The following GNAO1 variants were observed in gnomAD, a reference collection of about 807,000 sequenced individuals.
The protein encoded by GNAO1 is G protein subunit alpha o1, also known as guanine nucleotide-binding protein G(o) subunit alpha.
For missense variants in GNAO1, 166 were observed against 478.7 expected (o/e 0.35, Z 6.10); for synonymous variants, 164 against 180.7 (o/e 0.91, Z 0.74).
intron 6 of GNAO1, chr16:56,340,522 C>T (rs528946302): frequency 5.5e-6 from 2 of 362,352 alleles, no homozygotes; most frequent in South Asian, 8.4e-5. Flanking sequence ...TGCATGTCCT[C>T]TCCGTGAGCT....
intron 3 of GNAO1, among the ~76,000 whole-genome samples, chr16:56,297,571 G>GTGTGTGTA (rs1491461466): frequency 7.5e-6 from 1 of 133,654 alleles, no homozygotes; most frequent in African/African-American, 2.8e-5. Flanking sequence ...GTGTGTGTGT[G>GTGTGTGTA]TATGCATGTG....
chr16:56,222,910 C>T (rs1027105207), intron 2 of GNAO1, among the ~76,000 whole-genome samples: 1 of 152,064 alleles, frequency 6.6e-6, no homozygotes, highest in African/African-American at 2.4e-5. Context: ...CACCTGTGCA[C>T]CCTGCGAGAT....
At chr16:56,197,606 T>A (rs2036245148) in intron 2 of GNAO1, among the ~76,000 whole-genome samples, 1 of 152,170 alleles carries the variant, frequency 6.6e-6, no homozygotes, top group South Asian at 2.1e-4. Context: ...TTGTTGCCAG[T>A]TAGATTAAAT....
chr16:56,244,131 G>A lies in GNAO1; in HGVS notation c.162-31800G>A, dbSNP rs374013492. Among the ~76,000 whole-genome samples, 6 of 152,302 alleles carry A rather than the reference G, an allele frequency of 3.9e-5. No individual in the cohort carries two copies. In the South Asian group the frequency reaches 1.0e-3, roughly 26 times the overall value. ...ATGCTATACTACAGGCAAAGCAAAG[G>A]GTTCCTGCCCATGGGGAGCTGTAAT... On this transcript the variant is annotated intron_variant, in intron 2 of 8. Transcript: ENST00000262493.
chr16:56,288,403 A>T (rs1247178223), intron 3 of GNAO1, among the ~76,000 whole-genome samples: 1 of 152,210 alleles, frequency 6.6e-6, no homozygotes, highest in Non-Finnish European at 1.5e-5. Flanking sequence ...CCACCAGGAT[A>T]GGAGGGTAAA....
intron 4 of GNAO1, 46 bp from the exon 5 acceptor site, chr16:56,334,683 T>A (rs568575700): frequency 6.2e-7 from 1 of 1,608,580 alleles, no homozygotes; most frequent in Non-Finnish European, 8.5e-7. Context: ...TCCCGAACAG[T>A]GTCCAGGCAT....
At chr16:56,263,229 G>A (rs2036920225) in intron 2 of GNAO1, among the ~76,000 whole-genome samples, 1 of 152,176 alleles carries the variant, frequency 6.6e-6, no homozygotes, top group Non-Finnish European at 1.5e-5. Flanking sequence ...TGTCCATCTG[G>A]GGCCACTGTT....
chr16:56,345,153 G>GT, intron 6 of GNAO1: 2 of 985,804 alleles, frequency 2.0e-6, no homozygotes, highest in Non-Finnish European at 2.4e-6. Context: ...GCTTCTCCCG[G>GT]TGACGGTGAC....
rs1304634429 is a variant in GNAO1 at position 56,227,699 on chromosome 16, A to G, written c.161+35083A>G. Reference sequence around the variant, plus strand: ...GAAGACCCTGTCTCAAAAAAAAAAAAAAAAAAAAAAAAAGAATTATGGTCT... The same window carrying G: ...GAAGACCCTGTCTCAAAAAAAAAAAGAAAAAAAAAAAAAGAATTATGGTCT... On this transcript the variant is annotated intron_variant, in intron 2 of 8. Coordinates refer to ENST00000262493, the MANE Select transcript of GNAO1 (RefSeq NM_020988.3). Among the ~76,000 whole-genome samples the G allele has an allele frequency of 2.0e-5, 3 of 151,418 alleles. No homozygotes were observed. In the East Asian group the frequency reaches 5.8e-4, roughly 29 times the overall value.
chr16:56,271,324 T>C (rs1401891935), intron 2 of GNAO1, among the ~76,000 whole-genome samples: 2 of 152,226 alleles, frequency 1.3e-5, no homozygotes, highest in African/African-American at 4.8e-5. Context: ...GAAGGTTAAA[T>C]GAAATGACAC....
chr16:56,214,431 G>A (rs1037807570), intron 2 of GNAO1, among the ~76,000 whole-genome samples: 52 of 152,196 alleles, frequency 3.4e-4, no homozygotes, highest in African/African-American at 1.2e-3. Context: ...GTTTCCCCAA[G>A]TGTAGCCTGA....
At chr16:56,201,387 A>C (rs1287464795) in intron 2 of GNAO1, among the ~76,000 whole-genome samples, 1 of 152,238 alleles carries the variant, frequency 6.6e-6, no homozygotes, top group Non-Finnish European at 1.5e-5. Context: ...ACTAGAGCAA[A>C]ATATGTAAGA....
At chr16:56,296,323 T>C (rs558147053) in intron 3 of GNAO1, among the ~76,000 whole-genome samples, 1 of 152,132 alleles carries the variant, frequency 6.6e-6, no homozygotes, top group African/African-American at 2.4e-5. Context: ...ATGCATGAGA[T>C]GTAAATCCCC....
chr16:56,333,434 A>T (rs2037710018), intron 4 of GNAO1, among the ~76,000 whole-genome samples: 1 of 152,002 alleles, frequency 6.6e-6, no homozygotes, highest in Admixed American at 6.6e-5. Flanking sequence ...ATGGTCTCAA[A>T]ATCCTGACCT....
intron 3 of GNAO1, among the ~76,000 whole-genome samples, chr16:56,295,579 A>G (rs1355122023): frequency 1.3e-5 from 2 of 151,918 alleles, no homozygotes; most frequent in South Asian, 2.1e-4. Context: ...CGAAAGCACC[A>G]CCTTTCTCCC....
chr16:56,222,753 C>T (rs190044091), intron 2 of GNAO1, among the ~76,000 whole-genome samples: 103 of 152,280 alleles, frequency 6.8e-4, no homozygotes, highest in African/African-American at 2.2e-3. Context: ...GACAGATCCT[C>T]GGAGAGCATT....
At chr16:56,293,103 C>T (rs759443287) in intron 3 of GNAO1, among the ~76,000 whole-genome samples, 2 of 152,134 alleles carry the variant, frequency 1.3e-5, no homozygotes, top group Non-Finnish European at 1.5e-5. Flanking sequence ...TTTTTGGGGC[C>T]GGGCCAGAAC....
Position 56,340,997 on chromosome 16 carries a change from C to A in GNAO1, c.723+4137C>A, listed in dbSNP as rs779135525. 7 of 1,610,112 alleles carry A rather than the reference C, an allele frequency of 4.3e-6. No individual in the cohort carries two copies. In the South Asian group the frequency reaches 7.7e-5, roughly 18 times the overall value. ...TTTCCTGAATATACAGGTAGAGACC[C>A]CTCCAGGGACAGCAGGCCCCCGAGG... On this transcript the variant is annotated intron_variant, in intron 6 of 8. Coordinates refer to ENST00000262493, the MANE Select transcript of GNAO1 (RefSeq NM_020988.3).
chr16:56,194,071 A>G (rs1430572734), intron 2 of GNAO1: 1 of 455,356 alleles, frequency 2.2e-6, no homozygotes, highest in Non-Finnish European at 4.4e-6. Context: ...AGGCATGACA[A>G]GCGGGTTCTA....
Sources: allele counts gnomAD v4.1 joint callset (sites outside exome capture counted in the v4.1 genomes callset), GRCh38; gene constraint gnomAD v4.1.1; transcripts MANE v1.5; gene names NCBI Gene and HGNC (gene_info 2026-07-23, HGNC 2026-07-21).